CEP112: variants seen among roughly 807,000 people sequenced by gnomAD.
The protein encoded by CEP112 is centrosomal protein of 112 kDa.
In CEP112, 127 loss-of-function variants were observed where a neutral mutation model predicts 153.0. The observed-to-expected ratio is 0.83, with a 90% CI of 0.72 to 0.96. The LOEUF is 0.96. CEP112 is among the 40% of genes least tolerant of loss of function. The probability of loss-of-function intolerance (pLI) is 0.00; values close to 1 mark genes in which losing one functional copy is unlikely to be tolerated. For missense variants in CEP112, 1,089 were observed against 1,101.2 expected (o/e 0.99, Z 0.16); for synonymous variants, 358 against 374.4 (o/e 0.96, Z 0.51).
At chr17:65,905,920 G>A (rs980345779) in intron 19 of CEP112, among the ~76,000 whole-genome samples, 2 of 151,896 alleles carry the variant, frequency 1.3e-5, no homozygotes, top group African/African-American at 2.4e-5. Flanking sequence ...ACTCCAGCCT[G>A]GGCAACAGGG....
At chr17:65,971,384 C>T (rs868270412) in intron 17 of CEP112, among the ~76,000 whole-genome samples, 3 of 79,098 alleles carry the variant, frequency 3.8e-5, no homozygotes, top group South Asian at 7.0e-4. Flanking sequence ...ATGTACATTG[C>T]ATGTATATAG....
intron 21 of CEP112, among the ~76,000 whole-genome samples, chr17:65,773,970 C>T (rs1195247003): frequency 6.6e-6 from 1 of 151,826 alleles, no homozygotes; most frequent in Non-Finnish European, 1.5e-5. Context: ...GCCTGTAATC[C>T]CAGCTACTTG....
At chr17:66,110,708 A>G (rs1468588043) in intron 6 of CEP112, among the ~76,000 whole-genome samples, 1 of 152,002 alleles carries the variant, frequency 6.6e-6, no homozygotes, top group Non-Finnish European at 1.5e-5. Context: ...CAAAAAATCA[A>G]CTCAAGATGG....
chr17:66,011,290 C>T (rs1336716133), intron 16 of CEP112, among the ~76,000 whole-genome samples: 1 of 152,034 alleles, frequency 6.6e-6, no homozygotes, highest in African/African-American at 2.4e-5. Flanking sequence ...TTGCTCATTT[C>T]TCTGGTTGCT....
At chr17:65,908,580 G>A (rs1330092565) in intron 19 of CEP112, among the ~76,000 whole-genome samples, 2 of 152,006 alleles carry the variant, frequency 1.3e-5, no homozygotes, top group South Asian at 4.2e-4. Context: ...CGCAATCCCA[G>A]CTACTCAGGA....
chr17:65,658,625 G>A (rs1205161299), intron 24 of CEP112, among the ~76,000 whole-genome samples: 4 of 152,156 alleles, frequency 2.6e-5, no homozygotes, highest in African/African-American at 9.7e-5. Flanking sequence ...AAATATGCGA[G>A]TAGAGCTCAG....
At chr17:65,737,993 C>T (rs1056011625) in intron 23 of CEP112, among the ~76,000 whole-genome samples, 4 of 152,166 alleles carry the variant, frequency 2.6e-5, no homozygotes, top group African/African-American at 9.7e-5. Flanking sequence ...ACCTTAAATG[C>T]TCGATGAGCC....
chr17:65,912,476 C>A (rs1310527601), intron 19 of CEP112, among the ~76,000 whole-genome samples: 1 of 152,136 alleles, frequency 6.6e-6, no homozygotes, highest in African/African-American at 2.4e-5. Flanking sequence ...CCTTAGCACC[C>A]TAGTAAAGGC....
chr17:66,070,033 A>G (rs774595183), intron 8 of CEP112, 32 bp from the exon 9 acceptor site: 19 of 1,343,154 alleles, frequency 1.4e-5, no homozygotes, highest in Non-Finnish European at 1.4e-5. Context: ...GGTGTTATTA[A>G]TTTACTTTCC....
chr17:65,970,604 T>C (rs1368655624), intron 17 of CEP112, among the ~76,000 whole-genome samples: 1 of 152,014 alleles, frequency 6.6e-6, no homozygotes, highest in Non-Finnish European at 1.5e-5. Flanking sequence ...ATTACCTGTA[T>C]ATTGCAGGCA....
intron 21 of CEP112, among the ~76,000 whole-genome samples, chr17:65,839,876 C>A (rs2057453591): frequency 6.6e-6 from 1 of 151,740 alleles, no homozygotes; most frequent in African/African-American, 2.4e-5. Flanking sequence ...TATACACCAA[C>A]AGTGAACAAT....
chr17:65,835,630 A>C (rs913214180), intron 21 of CEP112, among the ~76,000 whole-genome samples: 3 of 152,154 alleles, frequency 2.0e-5, no homozygotes, highest in Admixed American at 1.3e-4. Context: ...ATTCTTCAAA[A>C]ATGAAGGAAA....
chr17:65,684,423 G>T (rs1320488627), intron 24 of CEP112, among the ~76,000 whole-genome samples: 1 of 152,138 alleles, frequency 6.6e-6, no homozygotes, highest in Non-Finnish European at 1.5e-5. Context: ...AGGGAATTTT[G>T]CTCTGTGTAT....
chr17:66,151,640 G>A (rs1186715145), intron 4 of CEP112, among the ~76,000 whole-genome samples: 2 of 152,220 alleles, frequency 1.3e-5, no homozygotes, highest in African/African-American at 4.8e-5. Flanking sequence ...CTGCCATGCT[G>A]TAGGCTATCC....
intron 18 of CEP112, among the ~76,000 whole-genome samples, chr17:65,957,406 T>C (rs556025993): frequency 6.6e-6 from 1 of 152,182 alleles, no homozygotes; most frequent in Non-Finnish European, 1.5e-5. Flanking sequence ...CTAACATCTT[T>C]TCATATTTCG....
intron 4 of CEP112, among the ~76,000 whole-genome samples, chr17:66,148,530 T>C (rs2071022924): frequency 6.6e-6 from 1 of 152,186 alleles, no homozygotes; most frequent in Admixed American, 6.5e-5. Context: ...TTTAGATTCT[T>C]TCATCAAGGT....
chr17:66,004,075 A>T (rs2064170339), intron 17 of CEP112, among the ~76,000 whole-genome samples: 4 of 152,150 alleles, frequency 2.6e-5, no homozygotes, highest in African/African-American at 7.2e-5. Context: ...AGAGAGAAAA[A>T]ATATGGTAAA....
At chr17:65,637,488 G>C (rs755634885) in intron 25 of CEP112, among the ~76,000 whole-genome samples, 2 of 152,152 alleles carry the variant, frequency 1.3e-5, no homozygotes, top group African/African-American at 4.8e-5. Context: ...CTTCCACACC[G>C]TGTCTTTCTC....
At chr17:66,120,229 C>T (rs1181453079) in intron 6 of CEP112, among the ~76,000 whole-genome samples, 1 of 151,954 alleles carries the variant, frequency 6.6e-6, no homozygotes, top group Non-Finnish European at 1.5e-5. Flanking sequence ...GAGATGGAGT[C>T]TCACTCCATC....
Sources: gnomAD v4.1 joint callset for allele counts (sites outside exome capture counted in the v4.1 genomes callset) on GRCh38, gnomAD v4.1.1 for gene constraint, MANE v1.5 for transcripts, NCBI Gene and HGNC (gene_info 2026-07-23, HGNC 2026-07-21) for gene names.